Variants in WWOX observed in about 807,000 individuals in gnomAD.
The protein encoded by WWOX is WW domain-containing oxidoreductase.
A neutral mutation model predicts 46.2 loss-of-function variants in WWOX; 69 were observed. The observed-to-expected ratio is 1.49, with a 90% CI of 1.23 to 1.82. The LOEUF (loss-of-function observed/expected upper bound fraction) is 1.82, where lower values mean the gene tolerates loss of function less well. Ranked by LOEUF, WWOX falls within the 40% of genes most tolerant of loss-of-function variation. The probability of loss-of-function intolerance (pLI) is 0.00; values close to 1 mark genes in which losing one functional copy is unlikely to be tolerated. For missense variants in WWOX, 919 were observed against 542.6 expected (o/e 1.69, Z -6.89); for synonymous variants, 359 against 202.6 (o/e 1.77, Z -6.56).
intron 5 of WWOX, among the ~76,000 whole-genome samples, chr16:78,312,618 A>G (rs2080270570): frequency 6.6e-6 from 1 of 151,994 alleles, no homozygotes; most frequent in African/African-American, 2.4e-5. Flanking sequence ...GAGGTGATCC[A>G]CCTACCTTGG....
intron 8 of WWOX, among the ~76,000 whole-genome samples, chr16:78,718,642 A>C (rs1440322560): frequency 1.3e-5 from 2 of 152,050 alleles, no homozygotes. Flanking sequence ...CAGGATTTTG[A>C]GGCTACCCTG....
rs143516975 is a variant in WWOX at position 78,162,807 on chromosome 16, A to G, written c.410-1376A>G. Among the ~76,000 whole-genome samples the G allele has an allele frequency of 1.3e-4, 20 of 151,782 alleles. No individual in the cohort carries two copies. The East Asian group carries it at 3.7e-3, about 28-fold the overall frequency. ...TTTATTGTGTTATTTTTTTCTTTTT[A>G]TGCTTCACTTTGGATTTTTTTGTTA... On this transcript the variant is annotated intron_variant, in intron 4 of 8. Transcript: ENST00000566780.
rs1013228770 is a variant in WWOX, at chr16:79,011,580, C to G, written c.1057-200028C>G. Reference sequence around the variant, plus strand: ...GGTGATGGCTCACCACAGCCTCAGCCTCCCTGGGCTCAGTCGATCCTCCCA... The same window carrying G: ...GGTGATGGCTCACCACAGCCTCAGCGTCCCTGGGCTCAGTCGATCCTCCCA... On this transcript the variant is annotated intron_variant, in intron 8 of 8. Transcript: ENST00000566780. Among the ~76,000 whole-genome samples the G allele has an allele frequency of 5.3e-5, 8 of 151,864 alleles. 1 individual carries two copies. Among genetic ancestry groups the G allele is most frequent in the Admixed American group, 3.3e-4 (5 of 15,244 alleles).
chr16:78,926,437 A>G (rs1400589671), intron 8 of WWOX, among the ~76,000 whole-genome samples: 1 of 151,864 alleles, frequency 6.6e-6, no homozygotes, highest in East Asian at 1.9e-4. Context: ...GTAACTGTCT[A>G]TAATTTCTCT....
chr16:78,992,207 A>G (rs2046901299), intron 8 of WWOX, among the ~76,000 whole-genome samples: 1 of 152,188 alleles, frequency 6.6e-6, no homozygotes, highest in Non-Finnish European at 1.5e-5. Context: ...CGATGTCACT[A>G]TTCTTCTAGG....
chr16:78,320,227 G>A (rs1445700997), intron 5 of WWOX, among the ~76,000 whole-genome samples: 1 of 152,158 alleles, frequency 6.6e-6, no homozygotes, highest in Non-Finnish European at 1.5e-5. Context: ...GTACAGAACT[G>A]AAATTTTCTC....
intron 8 of WWOX, among the ~76,000 whole-genome samples, chr16:79,141,430 A>G (rs1045814007): frequency 7.2e-5 from 11 of 152,202 alleles, no homozygotes; most frequent in East Asian, 1.9e-4. Context: ...CCTTGGCAAA[A>G]TAAACTTTCT....
At chr16:78,913,961 C>T (rs1462732471) in intron 8 of WWOX, among the ~76,000 whole-genome samples, 1 of 151,904 alleles carries the variant, frequency 6.6e-6, no homozygotes, top group African/African-American at 2.4e-5. Context: ...GCACGTGGCC[C>T]ATACTGCTAT....
intron 8 of WWOX, among the ~76,000 whole-genome samples, chr16:79,188,155 C>T (rs757796551): frequency 5.3e-5 from 8 of 152,132 alleles, no homozygotes; most frequent in Non-Finnish European, 8.8e-5. Context: ...AGAAAACCCA[C>T]GAAGTCTTGA....
chr16:78,787,903 T>C (rs1454490622), intron 8 of WWOX, among the ~76,000 whole-genome samples: 3 of 152,204 alleles, frequency 2.0e-5, no homozygotes, highest in Non-Finnish European at 4.4e-5. Flanking sequence ...TTAATGATGT[T>C]GAGTATTTTT....
At chr16:78,572,935 C>T (rs542914312) in intron 8 of WWOX, among the ~76,000 whole-genome samples, 2 of 152,102 alleles carry the variant, frequency 1.3e-5, no homozygotes, top group African/African-American at 2.4e-5. Context: ...TATGTGAAGT[C>T]TTGTTATATG....
At chr16:78,549,025 A>G (rs1276540169) in intron 8 of WWOX, among the ~76,000 whole-genome samples, 1 of 152,196 alleles carries the variant, frequency 6.6e-6, no homozygotes, top group Non-Finnish European at 1.5e-5. Flanking sequence ...TCATACTTTT[A>G]TCGGTGCCTT....
At chr16:78,566,054 G>C (rs1378404181) in intron 8 of WWOX, among the ~76,000 whole-genome samples, 3 of 152,162 alleles carry the variant, frequency 2.0e-5, no homozygotes, top group African/African-American at 7.2e-5. Context: ...CCAAGGTGAA[G>C]CCATGGGCAC....
At chr16:78,861,320 C>T (rs555612270) in intron 8 of WWOX, among the ~76,000 whole-genome samples, 10 of 152,356 alleles carry the variant, frequency 6.6e-5, no homozygotes, top group African/African-American at 2.2e-4. Context: ...ACCTATCCAC[C>T]TATTAACTTA....
intron 8 of WWOX, among the ~76,000 whole-genome samples, chr16:78,615,718 A>G (rs977136609): frequency 4.6e-5 from 7 of 152,076 alleles, no homozygotes; most frequent in African/African-American, 7.2e-5. Context: ...AAGAAAGGGA[A>G]GGAAGAAATG....
intron 8 of WWOX, among the ~76,000 whole-genome samples, chr16:78,938,774 C>T (rs1013858939): frequency 6.6e-6 from 1 of 151,854 alleles, no homozygotes; most frequent in Non-Finnish European, 1.5e-5. Flanking sequence ...TGAGGTATGG[C>T]CCATTATACC....
chr16:78,887,955 C>G (rs998419936), intron 8 of WWOX, among the ~76,000 whole-genome samples: 3 of 152,170 alleles, frequency 2.0e-5, no homozygotes, highest in Admixed American at 6.5e-5. Flanking sequence ...CTCACTCTGA[C>G]AAACAATTTC....
At chr16:78,574,346 A>G (rs1258812095) in intron 8 of WWOX, among the ~76,000 whole-genome samples, 2 of 152,246 alleles carry the variant, frequency 1.3e-5, no homozygotes, top group Non-Finnish European at 1.5e-5. Context: ...ACACTGCACA[A>G]TGGTGTGAAT....
At chr16:78,386,161 G>T (rs1184194453) in intron 5 of WWOX, among the ~76,000 whole-genome samples, 1 of 152,164 alleles carries the variant, frequency 6.6e-6, no homozygotes, top group Non-Finnish European at 1.5e-5. Flanking sequence ...TTGTCAAATG[G>T]AGAAAACATT....
Sources: allele counts gnomAD v4.1 joint callset (sites outside exome capture counted in the v4.1 genomes callset), GRCh38; gene constraint gnomAD v4.1.1; transcripts MANE v1.5; gene names NCBI Gene and HGNC (gene_info 2026-07-23, HGNC 2026-07-21).